LGALS9B: variants seen among roughly 807,000 people sequenced by gnomAD.
LGALS9B encodes the protein galectin-9B.
In LGALS9B, 8 loss-of-function variants were observed where a neutral mutation model predicts 35.9. That is an observed-to-expected ratio of 0.22 (90% CI 0.13 to 0.40). The LOEUF (loss-of-function observed/expected upper bound fraction) is 0.40, where lower values mean the gene tolerates loss of function less well. LGALS9B is among the 10% of genes least tolerant of loss of function. The pLI is 1.00. For missense variants in LGALS9B, 101 were observed against 397.9 expected, an observed-to-expected ratio of 0.25 and a Z score of 6.35; for synonymous variants, 42 against 148.6, an observed-to-expected ratio of 0.28 and a Z score of 5.22.
intron 1 of LGALS9B, among the ~76,000 whole-genome samples, chr17:20,465,730 G>A (rs991772121): frequency 4.8e-5 from 6 of 124,234 alleles, no homozygotes; most frequent in African/African-American, 1.6e-4. Flanking sequence ...GACAAGAAGT[G>A]GGAGTGAGGT....
rs570553938 is a variant in LGALS9B, at chr17:20,455,477, C to T, written c.445-79G>A. ...AGAAGCCGAAAGGCAGATGCAGGGG[C>T]AGGAGGCAGAGAACAGGCAGGCAGG... On this transcript the variant is annotated intron_variant, in intron 4 of 10. Transcript: ENST00000423676. The T allele has an allele frequency of 1.6e-4, 178 of 1,095,576 alleles. 26 individuals carry two copies. In the Middle Eastern group the frequency reaches 3.0e-3, roughly 19 times the overall value. The allele number at this position is 1,095,576 out of a possible 1,614,324, so 67.9% of individuals were successfully genotyped here. A position where few individuals can be genotyped will look rare whatever the true frequency, so the allele number is the denominator to read the frequency against.
At position 20,461,087 on chromosome 17, in the gene LGALS9B, T is replaced by G. The variant is rs1347037527; in HGVS notation, c.40-644A>C. ...TCCGCAGCCCCGAGCCCCAGCGTAG[T>G]TTCCCCACCCATCCCAGGCCCCGTG... On this transcript the variant is annotated intron_variant, in intron 1 of 10. Transcript: ENST00000423676. Among the ~76,000 whole-genome samples the G allele has an allele frequency of 2.4e-5, 3 of 125,632 alleles. No homozygotes were observed. The East Asian group carries it at 6.6e-4, about 27-fold the overall frequency. The allele number at this position is 125,632 out of a possible 152,430, so 82.4% of individuals were successfully genotyped here.
At chr17:20,458,716 AAG>A (rs1184917210) in intron 2 of LGALS9B, among the ~76,000 whole-genome samples, 3 of 137,200 alleles carry the variant, frequency 2.2e-5, no homozygotes, top group African/African-American at 8.1e-5. Flanking sequence ...GCACACCTAG[AAG>A]AGAGAGGCTT....
intron 4 of LGALS9B, among the ~76,000 whole-genome samples, 192 bp from the exon 5 acceptor site, chr17:20,455,590 C>T (rs1389901412): frequency 7.7e-6 from 1 of 130,514 alleles, no homozygotes; most frequent in Non-Finnish European, 1.8e-5. Context: ...CAGTCTCCCT[C>T]CAGCTCTTCC....
intron 1 of LGALS9B, among the ~76,000 whole-genome samples, chr17:20,464,199 C>A (rs1192610667): frequency 6.7e-6 from 1 of 149,002 alleles, no homozygotes; most frequent in South Asian, 2.2e-4. Context: ...CCCAGGCTCA[C>A]GCGATCCTCC....
At chr17:20,450,923 C>T (rs1172316801) in intron 10 of LGALS9B, among the ~76,000 whole-genome samples, 1 of 152,230 alleles carries the variant, frequency 6.6e-6, no homozygotes, top group Non-Finnish European at 1.5e-5. Context: ...GAGGCCACAC[C>T]CGCACCTCTG....
At chr17:20,460,923 T>G in intron 1 of LGALS9B, among the ~76,000 whole-genome samples, 1 of 140,490 alleles carries the variant, frequency 7.1e-6, no homozygotes, top group Non-Finnish European at 1.6e-5. Context: ...CCATCAAGGG[T>G]CTGCAGGTTC....
chr17:20,460,218 GGATGCATTGGGTCTCC>G, intron 2 of LGALS9B, 118 bp downstream of exon 2: 1 of 1,233,722 alleles, frequency 8.1e-7, no homozygotes, highest in African/African-American at 1.5e-5. Context: ...CATGGGTTAA[GGATGCATTGGGTCTCC>G]CCTGCGCCAG....
chr17:20,467,191 C>T (rs145666696), intron 1 of LGALS9B, among the ~76,000 whole-genome samples: 1 of 139,506 alleles, frequency 7.2e-6, no homozygotes, highest in Non-Finnish European at 1.6e-5. Flanking sequence ...GGACAGGACA[C>T]GACAGCTCAG....
At position 20,456,178 on chromosome 17, in the gene LGALS9B, C is replaced by T. The variant is rs547699903; in HGVS notation, c.444+383G>A. Among the ~76,000 whole-genome samples, 8 of 152,206 alleles carry T rather than the reference C, an allele frequency of 5.3e-5. No homozygotes were observed. In the East Asian group the frequency reaches 7.8e-4, roughly 15 times the overall value. ...ATGACCATGCTCATTCTACAGATGA[C>T]GAAACTGAGGCTGAGAGAGGCAAAG... is the stretch of plus-strand genomic sequence containing the variant. On this transcript the variant is annotated intron_variant, in intron 4 of 10. Coordinates refer to ENST00000423676, the MANE Select transcript of LGALS9B (RefSeq NM_001367292.2).
chr17:20,458,246 G>C lies in LGALS9B; in HGVS notation c.270C>G (p.His90Gln). ...AGGGCATCCCCTTCTGGAAGGGCAT[G>C]TGCATCTTCCTCTCCTCGGGCCCCC... ...GRWGPEERKM[H>Q]MPFQKGMPFD... is the part of the protein sequence containing the mutation. The change falls in exon 3 of 11, where the codon CAC becomes CAG. Residue 90 changes from histidine (H) to glutamine (Q), a missense_variant. By Grantham distance (24) the His-to-Gln change is conservative (BLOSUM62 0). Transcript: ENST00000423676. 1.9e-6 allele frequency: 3 copies of C among 1,613,836 alleles called. No individual in the cohort carries two copies. The highest frequency in any genetic ancestry group is 2.5e-6 in the Non-Finnish European group (3 of 1,179,896).
Position 20,460,363 on chromosome 17 carries a change from G to A in LGALS9B, c.120C>T (p.Ser40=), listed in dbSNP as rs190191054. 3.4e-5 allele frequency: 54 copies of A among 1,601,864 alleles called. 5 individuals are homozygous for A. The highest frequency in any genetic ancestry group is 4.0e-5 in the Non-Finnish European group (47 of 1,171,028). ...CCATATACACACACCTGGTTCCACT[G>A]GAGCTGAGAACGGCCCCATTGACAG... is the stretch of plus-strand genomic sequence containing the variant. The part of the protein sequence containing the change: ...QITVNGAVLS[S]SGTRFAVDFQ... The change falls in exon 2 of 11, where the codon TCC becomes TCT. Residue 40 remains serine (S), a synonymous_variant. Transcript: ENST00000423676.
intron 8 of LGALS9B, 193 bp downstream of exon 8, chr17:20,452,155 CACG>C (rs1473568447): frequency 3.7e-6 from 1 of 271,094 alleles, no homozygotes; most frequent in African/African-American, 2.8e-5. Flanking sequence ...CTCACGTTGA[CACG>C]ACAGTTTTAA....
chr17:20,465,315 CATGACACTTTG>C (rs2142428651), intron 1 of LGALS9B, among the ~76,000 whole-genome samples: 1 of 107,324 alleles, frequency 9.3e-6, no homozygotes, highest in South Asian at 3.9e-4. Flanking sequence ...GGCCACCTTT[CATGACACTTTG>C]ATTTTAGCCT....
At chr17:20,454,594 G>A (rs1047220751) in intron 5 of LGALS9B, among the ~76,000 whole-genome samples, 1 of 141,054 alleles carries the variant, frequency 7.1e-6, no homozygotes, top group African/African-American at 2.5e-5. Context: ...CTGTGAACTG[G>A]CATGGCACAG....
chr17:20,451,327 A>G (rs1449829610), intron 10 of LGALS9B, among the ~76,000 whole-genome samples, 154 bp downstream of exon 10: 2 of 123,020 alleles, frequency 1.6e-5, no homozygotes, highest in Admixed American at 1.6e-4. Context: ...ATAATTATTA[A>G]TAATAATGAC....
chr17:20,464,225 G>C (rs959272226), intron 1 of LGALS9B, among the ~76,000 whole-genome samples: 3 of 149,650 alleles, frequency 2.0e-5, no homozygotes, highest in African/African-American at 7.4e-5. Flanking sequence ...CAGCCTCCCA[G>C]GTAGCTGGGA....
intron 4 of LGALS9B, among the ~76,000 whole-genome samples, chr17:20,456,057 TCA>T (rs987718964): frequency 2.7e-5 from 4 of 148,742 alleles, no homozygotes; most frequent in Admixed American, 1.3e-4. Context: ...AACACAGAGG[TCA>T]CACAGACCCT....
intron 1 of LGALS9B, among the ~76,000 whole-genome samples, chr17:20,465,828 G>A (rs1214465438): frequency 5.1e-4 from 75 of 147,906 alleles, no homozygotes; most frequent in African/African-American, 1.8e-3. Context: ...TGTGGAGAAA[G>A]CGTGGCTCCG....
Sources: gnomAD v4.1 joint callset for allele counts (sites outside exome capture counted in the v4.1 genomes callset) on GRCh38, gnomAD v4.1.1 for gene constraint, MANE v1.5 for transcripts, NCBI Gene and HGNC (gene_info 2026-07-23, HGNC 2026-07-21) for gene names.